MIIP: variants seen among roughly 807,000 people sequenced by gnomAD.
MIIP encodes the protein migration and invasion-inhibitory protein.
A neutral mutation model predicts 44.8 loss-of-function variants in MIIP; 44 were observed. The observed-to-expected ratio is 0.98, with a 90% CI of 0.77 to 1.26. The LOEUF is 1.26. MIIP is among the 50% of genes most tolerant of loss of function. MIIP has a pLI of 0.00. For missense variants in MIIP, 496 were observed against 511.7 expected (o/e 0.97, Z 0.30); for synonymous variants, 225 against 218.3 (o/e 1.03, Z -0.27).
intron 4 of MIIP, among the ~76,000 whole-genome samples, chr1:12,023,484 A>C (rs1640034568): frequency 6.6e-6 from 1 of 150,874 alleles, no homozygotes; most frequent in South Asian, 2.1e-4. Context: ...GCTCACTGCA[A>C]GCCCCGCCTC....
intron 8 of MIIP, chr1:12,031,049 ATCC>A (rs1222432536): frequency 6.8e-6 from 4 of 592,196 alleles, no homozygotes; most frequent in Admixed American, 6.1e-5. Context: ...TCACCGTCCT[ATCC>A]TCCTCCCATT....
At chr1:12,026,462 T>C (rs1640106664) in intron 4 of MIIP, among the ~76,000 whole-genome samples, 1 of 152,144 alleles carries the variant, frequency 6.6e-6, no homozygotes, top group African/African-American at 2.4e-5. Context: ...TCTTGGTCCA[T>C]GCGCTCTGCT....
At chr1:12,023,386 T>TTATTTATTTATTTATG (rs1298991195) in intron 4 of MIIP, among the ~76,000 whole-genome samples, 8 of 100,124 alleles carry the variant, frequency 8.0e-5, no homozygotes, top group Non-Finnish European at 1.1e-4. Flanking sequence ...GTTTTCTTAT[T>TTATTTATTTATTTATG]TATTTATTTA....
chr1:12,020,164 A>G (rs751806732), intron 1 of MIIP, among the ~76,000 whole-genome samples: 7 of 152,206 alleles, frequency 4.6e-5, no homozygotes, highest in Admixed American at 6.5e-5. Flanking sequence ...CCTGGAGTCA[A>G]ATTTTGGTTC....
intron 3 of MIIP, 142 bp from the exon 4 acceptor site, chr1:12,022,691 C>A: frequency 1.4e-6 from 1 of 713,974 alleles, no homozygotes; most frequent in Non-Finnish European, 2.3e-6. Flanking sequence ...CGTTTCCCTT[C>A]TTGCTCTTGT....
In MIIP at chr1:12,029,879, A is replaced by G. The variant is rs1193700223; in HGVS notation, c.830A>G (p.Gln277Arg). Residue 277 changes from glutamine (Q) to arginine (R), a missense_variant, in exon 7 of 10, where the codon CAG (glutamine) becomes CGG (arginine). Coordinates refer to ENST00000235332, the MANE Select transcript of MIIP (RefSeq NM_021933.4). The stretch of plus-strand genomic sequence containing the variant: ...CAGCAGGGCCCTGGGACCCTGGCGC[A>G]GCCAGCGCACGTCAGGTGAGTGACC... The part of the protein sequence containing the change: ...RDQQGPGTLA[Q>R]PAHVRVSIPL... The G allele has an allele frequency of 5.0e-6, 8 of 1,612,932 alleles. No individual in the cohort carries two copies. Among genetic ancestry groups the G allele is most frequent in the Admixed American group, 1.7e-5 (1 of 59,956 alleles).
At chr1:12,025,036 TTTTG>T (rs1193408256) in intron 4 of MIIP, among the ~76,000 whole-genome samples, 1 of 149,730 alleles carries the variant, frequency 6.7e-6, no homozygotes, top group Non-Finnish European at 1.5e-5. Flanking sequence ...TCCTTTTTTT[TTTTG>T]TTTTTTGTTT....
Position 12,031,706 on chromosome 1 carries a change from C to T in MIIP, c.1081-16C>T. The T allele has an allele frequency of 6.2e-7, 1 of 1,614,078 alleles. No individual in the cohort carries two copies. The highest frequency in any genetic ancestry group is 8.5e-7 in the Non-Finnish European group (1 of 1,179,988). On this transcript the variant is annotated splice_polypyrimidine_tract_variant and intron_variant, in intron 9 of 9. Transcript: ENST00000235332. ...TTTCAAGTGGCCCCCCTGAGACTTCCCTATTCCCCATCCAGGCCTCACCAA... is the reference window on the plus strand; with the variant it reads ...TTTCAAGTGGCCCCCCTGAGACTTCTCTATTCCCCATCCAGGCCTCACCAA...
Position 12,022,372 on chromosome 1 carries a change from T to C in MIIP, c.392T>C (p.Leu131Pro). The C allele has an allele frequency of 1.2e-6, 2 of 1,612,764 alleles. No homozygotes were observed. The highest frequency in any genetic ancestry group is 1.7e-6 in the Non-Finnish European group (2 of 1,179,606). ...AGGGACCCAGAGCCCTCAGGGAGGC[T>C]GGGTGATCCAGGACCCCAGGAGGCA... is the stretch of plus-strand genomic sequence containing the variant. ...SLRDPEPSGR[L>P]GDPGPQEAQT... is the part of the protein sequence containing the mutation. Residue 131 changes from leucine to proline, a missense_variant, in exon 3 of 10, where the codon CTG becomes CCG. Transcript: ENST00000235332.
intron 6 of MIIP, 108 bp from the exon 7 acceptor site, chr1:12,029,657 C>A: frequency 6.8e-7 from 1 of 1,472,314 alleles, no homozygotes; most frequent in Non-Finnish European, 9.2e-7. Context: ...AAGGGCTTCC[C>A]AGAGGGATTG....
At chr1:12,027,000 CTTTTTCTTTTTTT>C (rs1185276678) in intron 4 of MIIP, among the ~76,000 whole-genome samples, 1 of 127,890 alleles carries the variant, frequency 7.8e-6, no homozygotes, top group Admixed American at 7.9e-5. Context: ...TATTCCTTTT[CTTTTTCTTTTTTT>C]TTTTTTTTTT....
rs372128113 is a variant in MIIP, at chr1:12,022,457, C to T, written c.462+15C>T. On this transcript the variant is annotated intron_variant, in intron 3 of 9. Coordinates refer to ENST00000235332, the MANE Select transcript of MIIP (RefSeq NM_021933.4). ...AGCTGTCCAAGGTAACGTGGGAGAG[C>T]GGGACATCTGCTGATGGGAGGAGCT... The T allele has an allele frequency of 8.4e-5, 126 of 1,501,938 alleles. No homozygotes were observed. In the Middle Eastern group the frequency reaches 1.6e-3, roughly 19 times the overall value. 93.0% of individuals were successfully genotyped at this position (1,501,938 alleles called of 1,614,324 possible).
At chr1:12,031,507 G>C (rs1011839230) in intron 9 of MIIP, 104 bp downstream of exon 9, 12 of 1,560,328 alleles carry the variant, frequency 7.7e-6, no homozygotes, top group South Asian at 3.6e-5. Context: ...GGATTGAGGT[G>C]GGGAGGATGG....
chr1:12,021,651 G>A lies in MIIP; in HGVS notation c.-76G>A. The A allele has an allele frequency of 1.5e-6, 2 of 1,327,092 alleles. No homozygotes were observed. Among genetic ancestry groups the A allele is most frequent in the South Asian group, 1.2e-5 (1 of 81,266 alleles). The allele number at this position is 1,327,092 out of a possible 1,614,324, so 82.2% of individuals were successfully genotyped here. On this transcript the variant is annotated 5_prime_UTR_variant, in exon 2 of 10. Coordinates refer to ENST00000235332, the MANE Select transcript of MIIP (RefSeq NM_021933.4). The stretch of plus-strand genomic sequence containing the variant: ...CCTGCTGTCTTGACTTCAGGTAGAA[G>A]AGCTGGGCCTGGAACCCAGCCCTGA...
intron 1 of MIIP, among the ~76,000 whole-genome samples, chr1:12,020,082 A>C (rs1265709601): frequency 6.6e-6 from 1 of 152,146 alleles, no homozygotes; most frequent in African/African-American, 2.4e-5. Flanking sequence ...GGCTGGGAGG[A>C]GGAGGCGGAG....
chr1:12,030,216 C>A, intron 8 of MIIP, 92 bp downstream of exon 8: 1 of 1,262,208 alleles, frequency 7.9e-7, no homozygotes, highest in Non-Finnish European at 1.1e-6. Flanking sequence ...CGAGACTGGG[C>A]TCGACAAGGG....
intron 7 of MIIP, 54 bp from the exon 8 acceptor site, chr1:12,029,974 G>A: frequency 1.2e-6 from 2 of 1,610,222 alleles, no homozygotes; most frequent in Admixed American, 1.7e-5. Context: ...CCTGGGCGTG[G>A]GCCCCCAACC....
rs772357948 is a variant in MIIP, at chr1:12,029,149, GGGGCGGGCGA to G, written c.656+12_656+21del. 1 of 1,613,904 alleles carries G rather than the reference GGGGCGGGCGA, an allele frequency of 6.2e-7. No individual in the cohort carries two copies. The highest frequency in any genetic ancestry group is 8.5e-7 in the Non-Finnish European group (1 of 1,179,826). ...TATCTGCAGCCATCCTGAGTGAGCA[GGGGCGGGCGA>G]GGGTGGGCGAGGGCGGCTGAGCGGC... On this transcript the variant is annotated intron_variant, in intron 5 of 9. Coordinates refer to ENST00000235332, the MANE Select transcript of MIIP (RefSeq NM_021933.4).
intron 4 of MIIP, among the ~76,000 whole-genome samples, chr1:12,025,766 T>C (rs944620632): frequency 6.6e-6 from 1 of 152,194 alleles, no homozygotes; most frequent in Non-Finnish European, 1.5e-5. Flanking sequence ...AGTGGTGTTA[T>C]TTCTGCTCAT....
Sources: allele counts gnomAD v4.1 joint callset (sites outside exome capture counted in the v4.1 genomes callset), GRCh38; gene constraint gnomAD v4.1.1; transcripts MANE v1.5; gene names NCBI Gene and HGNC (gene_info 2026-07-23, HGNC 2026-07-21).